TENM1: variants seen among roughly 807,000 people sequenced by gnomAD.
The protein encoded by TENM1 is teneurin transmembrane protein 1.
In TENM1, 35 loss-of-function variants were observed where a neutral mutation model predicts 174.8. The ratio of observed to expected loss-of-function variants is 0.20; its 90% CI spans 0.15 to 0.27. The LOEUF is 0.27. Among genes scored for constraint, TENM1 ranks in the 10% least tolerant of loss-of-function variants. The pLI, the probability that TENM1 is intolerant of heterozygous loss-of-function variation, is 1.00. For synonymous variants in TENM1, 781 were observed against 798.7 expected (o/e 0.98, Z 0.37); for missense variants, 1,633 against 2,130.1 (o/e 0.77, Z 4.59).
chrX:124,476,061 C>G (rs1270689321), intron 22 of TENM1, among the ~76,000 whole-genome samples: 1 of 111,536 alleles, frequency 9.0e-6, no homozygotes, highest in Non-Finnish European at 1.9e-5. Context: ...GCTTTGTTAC[C>G]AAGATGGATC....
chrX:124,512,897 A>G (rs778423041), intron 18 of TENM1, among the ~76,000 whole-genome samples: 2 of 111,693 alleles, frequency 1.8e-5, no homozygotes, highest in Non-Finnish European at 3.8e-5. Flanking sequence ...TTCTTTCTCC[A>G]TCACCCAGAA....
At chrX:124,494,662 C>T (rs1254379601) in intron 20 of TENM1, among the ~76,000 whole-genome samples, 2 of 107,213 alleles carry the variant, frequency 1.9e-5, no homozygotes, top group Non-Finnish European at 3.9e-5. Context: ...TCCCTCCCCC[C>T]TTCCCCCACC....
intron 30 of TENM1, 151 bp downstream of exon 33, chrX:124,383,483 A>G (rs2060184517): frequency 3.7e-6 from 2 of 535,065 alleles, no homozygotes; most frequent in Non-Finnish European, 6.1e-6. Context: ...TGCTCACTCT[A>G]GAAAACTAAG....
chrX:124,533,206 G>C (rs932807462), intron 15 of TENM1, among the ~76,000 whole-genome samples: 2 of 111,661 alleles, frequency 1.8e-5, no homozygotes, highest in African/African-American at 6.5e-5. Flanking sequence ...CTGCCATTTT[G>C]TGCACTCCCA....
chrX:124,924,086 A>G, intron 1 of TENM1, among the ~76,000 whole-genome samples: 1 of 112,396 alleles, frequency 8.9e-6, no homozygotes. Context: ...GATAACGGGG[A>G]AAAGTCAATT....
At chrX:124,942,721 T>C (rs923102300) in intron 1 of TENM1, among the ~76,000 whole-genome samples, 2 of 111,826 alleles carry the variant, frequency 1.8e-5, no homozygotes, top group Non-Finnish European at 3.8e-5. Flanking sequence ...CATGTCTTCA[T>C]GTATATCATG....
chrX:124,538,257 A>C (rs1166619460), intron 15 of TENM1, among the ~76,000 whole-genome samples: 1 of 112,076 alleles, frequency 8.9e-6, no homozygotes, highest in African/African-American at 3.2e-5. Context: ...TGAAGATCAA[A>C]GTGCTTTATT....
the TENM1 span, among the ~76,000 whole-genome samples, chrX:125,064,061 C>A: frequency 9.8e-6 from 1 of 101,895 alleles, no homozygotes; most frequent in African/African-American, 3.6e-5. Flanking sequence ...ATCGCAAGGA[C>A]AAAAAACCAA....
chrX:124,419,572 C>CG (rs2060627843), intron 25 of TENM1, among the ~76,000 whole-genome samples: 1 of 112,122 alleles, frequency 8.9e-6, no homozygotes, highest in South Asian at 3.7e-4. Context: ...TTCTGTGTTA[C>CG]GGCACCTCCT....
At chrX:124,637,385 G>T (rs2050905541) in intron 11 of TENM1, among the ~76,000 whole-genome samples, 1 of 110,234 alleles carries the variant, frequency 9.1e-6, no homozygotes, top group African/African-American at 3.3e-5. Flanking sequence ...ACCGCGCCTG[G>T]CCCCAAGTGC....
intron 3 of TENM1, among the ~76,000 whole-genome samples, chrX:124,764,339 A>G (rs185995464): frequency 2.2e-3 from 249 of 111,678 alleles, no homozygotes; most frequent in Middle Eastern, 4.6e-3. Context: ...CACTGAGGAG[A>G]AAGGAATCTG....
At position 124,950,291 on chromosome X, in the gene TENM1, CA is replaced by C. The variant is rs781476427; in HGVS notation, c.217+13245del. On this transcript the variant is annotated intron_variant, in intron 1 of 31. Transcript: ENST00000422452. ...ACAAATACATCAAAACAAAAACAAT[CA>C]ACTTTTTAATTCAATTTACTAAATG... Among the ~76,000 whole-genome samples, 226 of 111,809 alleles carry C rather than the reference CA, an allele frequency of 2.0e-3. 1 individual carries two copies. Among genetic ancestry groups the C allele is most frequent in the African/African-American group, 6.5e-3 (201 of 30,794 alleles).
chrX:124,994,233 TTTTTTG>T, the TENM1 span, among the ~76,000 whole-genome samples: 3 of 90,602 alleles, frequency 3.3e-5, no homozygotes, highest in Admixed American at 1.1e-4. Context: ...TTTTTTTTTT[TTTTTTG>T]GCAATTGACC....
At chrX:124,380,723 C>G (rs1201472210) in exon 32 of TENM1, 1 of 1,211,642 alleles carries the variant, frequency 8.3e-7, no homozygotes, top group East Asian at 3.0e-5. Flanking sequence ...TTGCAGCCTT[C>G]TTTGTTCCTT....
intron 23 of TENM1, among the ~76,000 whole-genome samples, chrX:124,445,085 T>C (rs890743971): frequency 8.9e-6 from 1 of 111,857 alleles, no homozygotes; most frequent in Admixed American, 9.5e-5. Context: ...CTTGAAGGAT[T>C]GTCATGAGGA....
intron 3 of TENM1, among the ~76,000 whole-genome samples, chrX:124,880,583 G>A (rs1238164161): frequency 9.0e-6 from 1 of 111,707 alleles, no homozygotes; most frequent in Non-Finnish European, 1.9e-5. Context: ...GGTGAAACTG[G>A]GTATCTTTGT....
At chrX:124,415,646 C>T (rs1457763739) in intron 25 of TENM1, among the ~76,000 whole-genome samples, 1 of 111,580 alleles carries the variant, frequency 9.0e-6, no homozygotes, top group Non-Finnish European at 1.9e-5. Context: ...TCTTTGTGGC[C>T]ATAAAATTTC....
chrX:124,689,113 T>C (rs2052451892), intron 5 of TENM1, among the ~76,000 whole-genome samples: 1 of 111,987 alleles, frequency 8.9e-6, no homozygotes, highest in African/African-American at 3.2e-5. Context: ...AAATGGCTTC[T>C]TTTCTTTTTT....
the TENM1 span, among the ~76,000 whole-genome samples, chrX:125,155,471 C>T: frequency 9.0e-6 from 1 of 111,027 alleles, no homozygotes; most frequent in African/African-American, 3.3e-5. Flanking sequence ...TGCGCCCACA[C>T]TCCTCAGCCC....
Sources: allele counts gnomAD v4.1 joint callset (sites outside exome capture counted in the v4.1 genomes callset), GRCh38; gene constraint gnomAD v4.1.1; transcripts MANE v1.5; gene names NCBI Gene and HGNC (gene_info 2026-07-23, HGNC 2026-07-21).